KIAA1958: variants seen among roughly 807,000 people sequenced by gnomAD.
The protein encoded by KIAA1958 is uncharacterized protein KIAA1958.
A neutral mutation model predicts 47.2 loss-of-function variants in KIAA1958; 14 were observed. The ratio of observed to expected loss-of-function variants is 0.30; its 90% confidence interval spans 0.20 to 0.46. The LOEUF (loss-of-function observed/expected upper bound fraction) is 0.46, where lower values mean the gene tolerates loss of function less well. Ranked by LOEUF, KIAA1958 falls within the 20% of genes least tolerant of loss-of-function variation. KIAA1958 has a pLI of 1.00. For missense variants in KIAA1958, 803 were observed against 909.2 expected (o/e 0.88, Z 1.50); for synonymous variants, 354 against 353.3 (o/e 1.00, Z -0.02).
chr9:112,608,673 C>T (rs1836275491), intron 2 of KIAA1958, among the ~76,000 whole-genome samples: 1 of 152,042 alleles, frequency 6.6e-6, no homozygotes, highest in Non-Finnish European at 1.5e-5. Flanking sequence ...TGCCTGTGGT[C>T]CCAGCTACTA....
intron 2 of KIAA1958, among the ~76,000 whole-genome samples, chr9:112,636,363 T>C (rs1836804339): frequency 6.6e-6 from 1 of 152,164 alleles, no homozygotes; most frequent in Non-Finnish European, 1.5e-5. Flanking sequence ...TCTGAAGTTG[T>C]GTGTGTTGTT....
rs190858265 is a variant in KIAA1958, at chr9:112,490,996, C to T, written c.-25+3878C>T. On this transcript the variant is annotated intron_variant, in intron 1 of 3. Coordinates refer to ENST00000337530, the MANE Select transcript of KIAA1958 (RefSeq NM_133465.4). The stretch of plus-strand genomic sequence containing the variant: ...ACATTATGTTTTTTAGAGACACAGT[C>T]GCACTCTGTCACCCACGCTGGAATA... Among the ~76,000 whole-genome samples the T allele has an allele frequency of 2.6e-5, 4 of 152,198 alleles. No homozygotes were observed. In the East Asian group the frequency reaches 5.8e-4, roughly 22 times the overall value.
At chr9:112,603,544 C>G (rs1265657820) in intron 2 of KIAA1958, among the ~76,000 whole-genome samples, 1 of 152,174 alleles carries the variant, frequency 6.6e-6, no homozygotes, top group East Asian at 1.9e-4. Context: ...TTAGAGCCCC[C>G]ACACAGCTTA....
chr9:112,555,965 CT>C (rs1835232855), intron 1 of KIAA1958, among the ~76,000 whole-genome samples: 1 of 152,110 alleles, frequency 6.6e-6, no homozygotes, highest in Non-Finnish European at 1.5e-5. Context: ...ATCCCAGCTA[CT>C]TTGGAGGTTG....
rs182448916 is a variant in KIAA1958 at position 112,627,910 on chromosome 9, C to A, written c.1172-17740C>A. ...TATGGCCATCAGGATTTTTTCATGC[C>A]CACCTGTCTAGTTTGGTACCTGGTG... is the stretch of plus-strand genomic sequence containing the variant. On this transcript the variant is annotated intron_variant, in intron 2 of 3. Transcript: ENST00000337530. 7.5e-4 allele frequency among the ~76,000 whole-genome samples: 114 copies of A among 152,228 alleles called. 1 individual carries two copies. The highest frequency in any genetic ancestry group is 1.5e-3 in the Non-Finnish European group (103 of 68,016).
chr9:112,532,218 G>C (rs1834762337), intron 1 of KIAA1958, among the ~76,000 whole-genome samples: 1 of 152,118 alleles, frequency 6.6e-6, no homozygotes, highest in Non-Finnish European at 1.5e-5. Context: ...GTCATATATG[G>C]AAGATTATAG....
intron 3 of KIAA1958, among the ~76,000 whole-genome samples, chr9:112,647,841 C>G (rs1277832468): frequency 6.6e-6 from 1 of 152,198 alleles, no homozygotes; most frequent in Non-Finnish European, 1.5e-5. Context: ...GGAGGGGAAT[C>G]TGCTCAAAGT....
intron 1 of KIAA1958, among the ~76,000 whole-genome samples, chr9:112,557,548 A>C (rs1405865155): frequency 1.3e-5 from 2 of 152,204 alleles, no homozygotes; most frequent in Non-Finnish European, 2.9e-5. Context: ...GGGAAACATT[A>C]GGGTATATAT....
At chr9:112,608,685 G>A (rs1411299853) in intron 2 of KIAA1958, among the ~76,000 whole-genome samples, 2 of 152,126 alleles carry the variant, frequency 1.3e-5, no homozygotes, top group African/African-American at 4.8e-5. Flanking sequence ...CAGCTACTAT[G>A]GAGGCTGAGG....
At chr9:112,587,993 G>A (rs1835855524) in intron 2 of KIAA1958, among the ~76,000 whole-genome samples, 1 of 152,156 alleles carries the variant, frequency 6.6e-6, no homozygotes, top group Non-Finnish European at 1.5e-5. Flanking sequence ...AGCAGTAGAA[G>A]AAGTTAAAAT....
rs142291105 is a variant in KIAA1958 at position 112,613,807 on chromosome 9, C to A, written c.1172-31843C>A. ...GCTGAAGATAATGGAGCACCTTTTCCTCATGGTGGGGAAAGTAAATTGATA... is the reference window on the plus strand; with the variant it reads ...GCTGAAGATAATGGAGCACCTTTTCATCATGGTGGGGAAAGTAAATTGATA... On this transcript the variant is annotated intron_variant, in intron 2 of 3. Transcript: ENST00000337530. 5.4e-4 allele frequency among the ~76,000 whole-genome samples: 82 copies of A among 152,192 alleles called. 1 individual carries two copies. The East Asian group carries it at 0.016, about 29-fold the overall frequency.
intron 1 of KIAA1958, among the ~76,000 whole-genome samples, chr9:112,540,572 A>G (rs1040357042): frequency 6.6e-5 from 10 of 152,210 alleles, no homozygotes; most frequent in African/African-American, 2.4e-4. Context: ...AATATTTAAA[A>G]TATTTACATA....
At chr9:112,531,454 T>C (rs1235241718) in intron 1 of KIAA1958, among the ~76,000 whole-genome samples, 1 of 152,102 alleles carries the variant, frequency 6.6e-6, no homozygotes, top group Non-Finnish European at 1.5e-5. Flanking sequence ...AATAAAAGAC[T>C]AGAGGGAAAA....
intron 1 of KIAA1958, among the ~76,000 whole-genome samples, chr9:112,527,978 TG>T (rs1834688753): frequency 1.3e-5 from 2 of 151,396 alleles, no homozygotes; most frequent in African/African-American, 2.4e-5. Context: ...TTAAAAGGCC[TG>T]GCCATTCAAT....
chr9:112,584,424 T>TA, intron 2 of KIAA1958, among the ~76,000 whole-genome samples: 1 of 152,302 alleles, frequency 6.6e-6, no homozygotes, highest in Admixed American at 6.5e-5. Flanking sequence ...ATAAATAAAA[T>TA]TGATTGTGGA....
chr9:112,552,939 G>T (rs1275191414), intron 1 of KIAA1958, among the ~76,000 whole-genome samples: 7 of 152,040 alleles, frequency 4.6e-5, no homozygotes, highest in Admixed American at 4.6e-4. Flanking sequence ...GGAAGAGCGG[G>T]GAGCACTGAG....
rs1320096311 is a variant in KIAA1958, at chr9:112,567,386, A to T, written c.-24-6671A>T. Among the ~76,000 whole-genome samples the T allele has an allele frequency of 2.6e-5, 4 of 152,134 alleles. No homozygotes were observed. In the East Asian group the frequency reaches 7.7e-4, roughly 29 times the overall value. On this transcript the variant is annotated intron_variant, in intron 1 of 3. Coordinates refer to ENST00000337530, the MANE Select transcript of KIAA1958 (RefSeq NM_133465.4). ...CACCAGGGAACCAAGCTCCTTCCTG[A>T]TGTTCTCTGCCATTCTTAAGTTCTT...
At chr9:112,600,365 C>T (rs1001294723) in intron 2 of KIAA1958, among the ~76,000 whole-genome samples, 1 of 152,168 alleles carries the variant, frequency 6.6e-6, no homozygotes, top group African/African-American at 2.4e-5. Context: ...CTTGTTAGGT[C>T]ACACCTGCAA....
At chr9:112,602,140 A>G (rs975267977) in intron 2 of KIAA1958, among the ~76,000 whole-genome samples, 1 of 152,178 alleles carries the variant, frequency 6.6e-6, no homozygotes, top group African/African-American at 2.4e-5. Flanking sequence ...GAAAGAAGAT[A>G]TTGACTTTTT....
Sources: gnomAD v4.1 joint callset for allele counts (sites outside exome capture counted in the v4.1 genomes callset) on GRCh38, gnomAD v4.1.1 for gene constraint, MANE v1.5 for transcripts, NCBI Gene and HGNC (gene_info 2026-07-23, HGNC 2026-07-21) for gene names.